The following LGR6 variants were observed in gnomAD, a reference collection of about 807,000 sequenced individuals.
The protein encoded by LGR6 is leucine-rich repeat-containing G protein-coupled receptor 6.
Under a neutral mutation model 69.4 loss-of-function variants are expected in LGR6, and 45 were observed. The observed-to-expected ratio is 0.65, with a 90% confidence interval of 0.51 to 0.83. The LOEUF (loss-of-function observed/expected upper bound fraction) is 0.83. Among genes scored for constraint, LGR6 ranks in the 40% least tolerant of loss-of-function variants. The pLI is 0.00. For synonymous variants in LGR6, 538 were observed against 555.0 expected (o/e 0.97, Z 0.43); for missense variants, 1,108 against 1,246.7 (o/e 0.89, Z 1.68).
At chr1:202,302,000 C>T (rs947401101) in intron 9 of LGR6, among the ~76,000 whole-genome samples, 1 of 152,018 alleles carries the variant, frequency 6.6e-6, no homozygotes, top group African/African-American at 2.4e-5. Flanking sequence ...GCCTGGGCAA[C>T]AAGAATGAAA....
chr1:202,204,349 C>A (rs1276391022), intron 1 of LGR6, among the ~76,000 whole-genome samples: 1 of 135,596 alleles, frequency 7.4e-6, no homozygotes, highest in Non-Finnish European at 1.6e-5. Context: ...CCTCCACACA[C>A]ACACACCTCC....
intron 4 of LGR6, among the ~76,000 whole-genome samples, chr1:202,258,016 G>C (rs1049315466): frequency 6.6e-6 from 1 of 151,968 alleles, no homozygotes; most frequent in Non-Finnish European, 1.5e-5. Flanking sequence ...TGAGAGTATA[G>C]GTTTTGCACT....
intron 6 of LGR6, among the ~76,000 whole-genome samples, chr1:202,283,309 C>T (rs1666154538): frequency 6.6e-6 from 1 of 152,132 alleles, no homozygotes; most frequent in South Asian, 2.1e-4. Flanking sequence ...CTCTGTTCCC[C>T]AGAGCATTTG....
chr1:202,254,999 G>A (rs1017208280), intron 4 of LGR6, among the ~76,000 whole-genome samples: 2 of 152,158 alleles, frequency 1.3e-5, no homozygotes, highest in Admixed American at 6.5e-5. Context: ...TTGGGGGCGC[G>A]GGGATGGGGT....
intron 4 of LGR6, among the ~76,000 whole-genome samples, chr1:202,251,713 A>C (rs1663261882): frequency 6.6e-6 from 1 of 152,062 alleles, no homozygotes. Flanking sequence ...CCAGGCCAGC[A>C]TCCTCCCCTG....
intron 3 of LGR6, among the ~76,000 whole-genome samples, chr1:202,233,912 T>C (rs1311246061): frequency 2.0e-5 from 3 of 152,194 alleles, no homozygotes; most frequent in Admixed American, 2.0e-4. Flanking sequence ...GCTTGCACAC[T>C]ACCCCACAGC....
At chr1:202,255,172 C>T (rs1368655235) in intron 4 of LGR6, among the ~76,000 whole-genome samples, 2 of 152,154 alleles carry the variant, frequency 1.3e-5, no homozygotes, top group East Asian at 1.9e-4. Context: ...GCCTCACAGG[C>T]AAGGGAGGTT....
intron 4 of LGR6, among the ~76,000 whole-genome samples, chr1:202,269,020 G>A (rs192013738): frequency 5.3e-5 from 8 of 152,170 alleles, no homozygotes; most frequent in Non-Finnish European, 7.4e-5. Context: ...TCCTCCTGCC[G>A]CAGCCTCCTG....
At chr1:202,275,767 G>T (rs994200969) in intron 4 of LGR6, among the ~76,000 whole-genome samples, 3 of 152,180 alleles carry the variant, frequency 2.0e-5, no homozygotes, top group Non-Finnish European at 4.4e-5. Flanking sequence ...ATTTCCCTCT[G>T]CCAATGCTGA....
intron 1 of LGR6, among the ~76,000 whole-genome samples, chr1:202,204,089 C>T (rs1316141954): frequency 6.6e-6 from 1 of 152,000 alleles, no homozygotes; most frequent in African/African-American, 2.4e-5. Context: ...TTCTTTGCAT[C>T]AGGAGAGGGG....
chr1:202,314,646 C>A (rs1185141326), intron 16 of LGR6, among the ~76,000 whole-genome samples, 156 bp from the exon 17 acceptor site: 1 of 152,206 alleles, frequency 6.6e-6, no homozygotes, highest in East Asian at 1.9e-4. Flanking sequence ...CAAATCTTTA[C>A]CCCCAAGGGT....
At position 202,309,204 on chromosome 1, in the gene LGR6, G is replaced by A. The variant is rs575495510; in HGVS notation, c.1406+28G>A. 1.9e-5 allele frequency: 30 copies of A among 1,612,358 alleles called. No homozygotes were observed. In the South Asian group the frequency reaches 3.1e-4, roughly 17 times the overall value. ...GAGGGACTGGCTTTCCCCAACACCT[G>A]GGTAGGCCAGCTGGAGACCCTGGAG... On this transcript the variant is annotated intron_variant, in intron 15 of 17. Coordinates refer to ENST00000367278, the MANE Select transcript of LGR6 (RefSeq NM_001017403.2).
At chr1:202,231,037 T>C (rs1363204623) in intron 3 of LGR6, among the ~76,000 whole-genome samples, 2 of 152,192 alleles carry the variant, frequency 1.3e-5, no homozygotes, top group Non-Finnish European at 2.9e-5. Context: ...GCCATCTTGA[T>C]AAAGACTAAG....
At chr1:202,225,164 A>T (rs1660424363) in intron 1 of LGR6, among the ~76,000 whole-genome samples, 1 of 152,218 alleles carries the variant, frequency 6.6e-6, no homozygotes, top group East Asian at 1.9e-4. Context: ...CTCACAAAGG[A>T]CAGGTGAAAG....
intron 2 of LGR6, 84 bp from the exon 3 acceptor site, chr1:202,227,852 C>A: frequency 1.1e-6 from 1 of 905,956 alleles, no homozygotes; most frequent in Non-Finnish European, 1.9e-6. Flanking sequence ...CCTCCCTTCC[C>A]GTATCTCAAG....
At chr1:202,245,241 C>A (rs572568523) in intron 4 of LGR6, among the ~76,000 whole-genome samples, 13 of 146,348 alleles carry the variant, frequency 8.9e-5, no homozygotes, top group Non-Finnish European at 1.8e-4. Flanking sequence ...GTATTTGGAT[C>A]TTCCCAAGGT....
intron 3 of LGR6, among the ~76,000 whole-genome samples, chr1:202,231,807 T>G (rs1353391736): frequency 6.6e-6 from 1 of 152,198 alleles, no homozygotes; most frequent in Non-Finnish European, 1.5e-5. Context: ...AAAAGCATTT[T>G]GTGGGCTGGG....
intron 1 of LGR6, among the ~76,000 whole-genome samples, chr1:202,221,452 A>G (rs1660147893): frequency 6.6e-6 from 1 of 151,936 alleles, no homozygotes; most frequent in African/African-American, 2.4e-5. Context: ...CATGCCCACA[A>G]CTGCCCCTCT....
intron 16 of LGR6, among the ~76,000 whole-genome samples, chr1:202,311,753 G>C (rs1653739415): frequency 6.6e-6 from 1 of 152,212 alleles, no homozygotes; most frequent in Non-Finnish European, 1.5e-5. Context: ...AAATGATGAA[G>C]TATGCTCATC....
Sources: gnomAD v4.1 joint callset for allele counts (sites outside exome capture counted in the v4.1 genomes callset) on GRCh38, gnomAD v4.1.1 for gene constraint, MANE v1.5 for transcripts, NCBI Gene and HGNC (gene_info 2026-07-23, HGNC 2026-07-21) for gene names.